Variants in MACROD2 observed in about 807,000 individuals in gnomAD.
MACROD2 encodes the protein mono-ADP ribosylhydrolase 2.
In MACROD2, 36 loss-of-function variants were observed where a neutral mutation model predicts 70.4. That is an observed-to-expected ratio of 0.51 (90% confidence interval 0.39 to 0.68). The LOEUF is 0.68. MACROD2 is among the 30% of genes least tolerant of loss of function. The pLI is 0.00. For missense variants in MACROD2, 496 were observed against 538.4 expected, an observed-to-expected ratio of 0.92 and a Z score of 0.78; for synonymous variants, 172 against 178.8, an observed-to-expected ratio of 0.96 and a Z score of 0.30.
chr20:15,542,719 A>G (rs571595374), intron 8 of MACROD2, among the ~76,000 whole-genome samples: 5 of 152,308 alleles, frequency 3.3e-5, no homozygotes, highest in Admixed American at 2.6e-4. Context: ...AATATTTACT[A>G]TTGTAAGCTT....
intron 5 of MACROD2, among the ~76,000 whole-genome samples, chr20:15,111,936 A>G (rs2075958697): frequency 6.6e-6 from 1 of 152,180 alleles, no homozygotes; most frequent in South Asian, 2.1e-4. Context: ...AAACTCAGAG[A>G]TAGCTTCCTC....
At chr20:14,818,399 C>T (rs960368419) in intron 5 of MACROD2, among the ~76,000 whole-genome samples, 1 of 152,108 alleles carries the variant, frequency 6.6e-6, no homozygotes, top group African/African-American at 2.4e-5. Context: ...GTTTCTTTCT[C>T]TGTCTTAGCC....
In MACROD2 at chr20:15,325,811, G is replaced by C. The variant is rs147937589; in HGVS notation, c.540+95750G>C. Among the ~76,000 whole-genome samples the C allele has an allele frequency of 4.3e-3, 656 of 152,282 alleles. 9 individuals carry two copies. Among genetic ancestry groups the C allele is most frequent in the African/African-American group, 0.015 (640 of 41,566 alleles). Reference sequence around the variant, plus strand: ...GTTTTGGATGTTTTGGAAGATGGTTGCAGGGTTTGTACCAGTCATACAAGA... The same window carrying C: ...GTTTTGGATGTTTTGGAAGATGGTTCCAGGGTTTGTACCAGTCATACAAGA... On this transcript the variant is annotated intron_variant, in intron 6 of 17. Transcript: ENST00000684519.
intron 3 of MACROD2, among the ~76,000 whole-genome samples, chr20:14,328,301 A>T (rs1029487902): frequency 2.6e-5 from 4 of 152,094 alleles, no homozygotes; most frequent in African/African-American, 9.7e-5. Context: ...TTCATATTAA[A>T]TTCTGTCTTT....
chr20:14,438,804 G>T (rs895459267), intron 3 of MACROD2, among the ~76,000 whole-genome samples: 2 of 152,140 alleles, frequency 1.3e-5, no homozygotes, highest in Non-Finnish European at 2.9e-5. Context: ...ATAAGTCATG[G>T]ATATTAACCC....
intron 3 of MACROD2, among the ~76,000 whole-genome samples, chr20:14,301,328 A>G (rs970869086): frequency 6.6e-6 from 1 of 152,228 alleles, no homozygotes; most frequent in African/African-American, 2.4e-5. Context: ...GAAAAAATAA[A>G]AAATGAAAGG....
At chr20:14,059,180 T>C (rs1033094655) in intron 2 of MACROD2, among the ~76,000 whole-genome samples, 1 of 152,222 alleles carries the variant, frequency 6.6e-6, no homozygotes, top group African/African-American at 2.4e-5. Context: ...CCCATTCTTT[T>C]TCCTCTCACC....
rs1043691389 is a variant in MACROD2 at position 15,827,503 on chromosome 20, G to T, written c.646-35242G>T. ...TGAAATAAGATGAAAATTGCAAGAA[G>T]TTTCTTCAAAACCTACCTGACATTC... On this transcript the variant is annotated intron_variant, in intron 8 of 17. Coordinates refer to ENST00000684519, the MANE Select transcript of MACROD2 (RefSeq NM_001351661.2). Among the ~76,000 whole-genome samples the T allele has an allele frequency of 6.6e-5, 10 of 152,198 alleles. No homozygotes were observed. The South Asian group carries it at 1.5e-3, about 22-fold the overall frequency.
At chr20:15,683,363 T>A (rs6034259) in intron 8 of MACROD2, among the ~76,000 whole-genome samples, 45,101 of 152,114 alleles carry the variant, frequency 0.3, 8,144 homozygotes, top group African/African-American at 0.51. Flanking sequence ...TTTTTTGACA[T>A]CATCCTAGAA....
intron 8 of MACROD2, among the ~76,000 whole-genome samples, chr20:15,713,249 A>G (rs1175159351): frequency 6.6e-6 from 1 of 152,216 alleles, no homozygotes; most frequent in Non-Finnish European, 1.5e-5. Context: ...AGTTTAAAAA[A>G]GACCATTGCT....
At chr20:15,559,695 A>T (rs1203885596) in intron 8 of MACROD2, among the ~76,000 whole-genome samples, 9 of 152,198 alleles carry the variant, frequency 5.9e-5, no homozygotes, top group Admixed American at 1.3e-4. Context: ...ATTAAGCATC[A>T]CTGCGCATGT....
At chr20:14,393,445 G>C (rs1340952756) in intron 3 of MACROD2, among the ~76,000 whole-genome samples, 1 of 152,058 alleles carries the variant, frequency 6.6e-6, no homozygotes, top group East Asian at 1.9e-4. Flanking sequence ...GTCTTCCTTA[G>C]TGTATTTGTT....
intron 8 of MACROD2, among the ~76,000 whole-genome samples, chr20:15,654,265 T>G (rs1296380873): frequency 6.6e-6 from 1 of 151,968 alleles, no homozygotes; most frequent in Non-Finnish European, 1.5e-5. Flanking sequence ...CCCCATTTAC[T>G]TAGCATACTG....
intron 8 of MACROD2, among the ~76,000 whole-genome samples, chr20:15,513,585 T>A (rs1409005589): frequency 6.6e-6 from 1 of 152,206 alleles, no homozygotes; most frequent in Non-Finnish European, 1.5e-5. Flanking sequence ...TGCGTGCACG[T>A]GTGTGAGACA....
chr20:14,307,948 G>T (rs1394759220), intron 3 of MACROD2, among the ~76,000 whole-genome samples: 2 of 152,070 alleles, frequency 1.3e-5, no homozygotes, highest in African/African-American at 2.4e-5. Context: ...GTGTTCATCT[G>T]CAAAGCAAAC....
At chr20:15,609,097 T>C (rs902010465) in intron 8 of MACROD2, among the ~76,000 whole-genome samples, 6 of 152,152 alleles carry the variant, frequency 3.9e-5, no homozygotes, top group Non-Finnish European at 7.3e-5. Context: ...ACTTAACAAA[T>C]GATCTGAAAT....
At chr20:15,352,848 A>G (rs1008997601) in intron 6 of MACROD2, among the ~76,000 whole-genome samples, 9 of 152,196 alleles carry the variant, frequency 5.9e-5, no homozygotes, top group African/African-American at 1.9e-4. Context: ...CAATGAAATA[A>G]AAGAGGATAC....
intron 5 of MACROD2, among the ~76,000 whole-genome samples, chr20:14,860,777 C>T (rs2073307049): frequency 6.6e-6 from 1 of 152,060 alleles, no homozygotes; most frequent in African/African-American, 2.4e-5. Context: ...TGACTAGTGC[C>T]AGCAAATGAA....
intron 6 of MACROD2, among the ~76,000 whole-genome samples, chr20:15,358,247 A>G (rs1280419032): frequency 2.0e-5 from 3 of 152,198 alleles, no homozygotes; most frequent in African/African-American, 7.2e-5. Context: ...GATAAGTAGT[A>G]TATTTACACG....
Sources: gnomAD v4.1 joint callset for allele counts (sites outside exome capture counted in the v4.1 genomes callset) on GRCh38, gnomAD v4.1.1 for gene constraint, MANE v1.5 for transcripts, NCBI Gene and HGNC (gene_info 2026-07-23, HGNC 2026-07-21) for gene names.